Variants in GLRA2 observed in about 807,000 individuals in gnomAD.
GLRA2 encodes the protein glycine receptor alpha 2.
In GLRA2, 11 loss-of-function variants were observed where a neutral mutation model predicts 31.6. That is an observed-to-expected ratio of 0.35 (90% CI 0.22 to 0.58). GLRA2 has a LOEUF of 0.58. Ranked by LOEUF, GLRA2 falls within the 20% of genes least tolerant of loss-of-function variation. The pLI, the probability that GLRA2 is intolerant of heterozygous loss-of-function variation, is 0.84. For missense variants in GLRA2, 212 were observed against 351.8 expected (o/e 0.60, Z 3.18); for synonymous variants, 132 against 134.0 (o/e 0.99, Z 0.10).
intron 4 of GLRA2, among the ~76,000 whole-genome samples, chrX:14,585,672 C>T (rs2090073479): frequency 9.0e-6 from 1 of 111,604 alleles, no homozygotes; most frequent in South Asian, 3.8e-4. Context: ...GAGAGGAAAT[C>T]CACTGGCTTA....
At chrX:14,513,575 C>A in the GLRA2 span, among the ~76,000 whole-genome samples, 5,044 of 110,923 alleles carry the variant, frequency 0.045, 125 homozygotes, top group Middle Eastern at 0.078. Context: ...CATAAAAAAA[C>A]CGAACAATCC....
intron 7 of GLRA2, among the ~76,000 whole-genome samples, chrX:14,654,862 C>T (rs2090924644): frequency 8.9e-6 from 1 of 111,738 alleles, no homozygotes; most frequent in Admixed American, 9.5e-5. Flanking sequence ...AAAGGCACAT[C>T]TCACATGGCA....
intron 4 of GLRA2, among the ~76,000 whole-genome samples, chrX:14,593,850 T>C (rs2090170922): frequency 1.8e-5 from 2 of 113,241 alleles, no homozygotes; most frequent in African/African-American, 6.4e-5. Context: ...CCAAAGCAGA[T>C]GGATACTCTC....
At chrX:14,663,959 TTC>T (rs769113118) in intron 7 of GLRA2, among the ~76,000 whole-genome samples, 158 of 111,727 alleles carry the variant, frequency 1.4e-3, no homozygotes, top group Middle Eastern at 4.6e-3. Flanking sequence ...TAGCTATATT[TTC>T]TCTCTTTCTT....
intron 7 of GLRA2, among the ~76,000 whole-genome samples, chrX:14,651,903 G>A (rs2090894144): frequency 9.0e-6 from 1 of 111,508 alleles, no homozygotes; most frequent in African/African-American, 3.3e-5. Flanking sequence ...CCCTTTGGGA[G>A]GTAATTAGGT....
At chrX:14,703,700 A>G (rs955257475) in intron 8 of GLRA2, among the ~76,000 whole-genome samples, 8 of 111,751 alleles carry the variant, frequency 7.2e-5, no homozygotes, top group Non-Finnish European at 1.3e-4. Context: ...ACAGTCCAGA[A>G]GTACCAGGAG....
chrX:14,682,803 T>C (rs2091229409), intron 7 of GLRA2, among the ~76,000 whole-genome samples: 1 of 108,344 alleles, frequency 9.2e-6, no homozygotes, highest in Admixed American at 9.9e-5. Context: ...ATGCGGTGTT[T>C]GGTTTTTTGT....
intron 7 of GLRA2, among the ~76,000 whole-genome samples, chrX:14,647,992 C>T (rs769046987): frequency 1.1e-4 from 12 of 112,517 alleles, no homozygotes; most frequent in Non-Finnish European, 1.7e-4. Context: ...GATCTTAATT[C>T]ATTAGGCTTT....
intron 8 of GLRA2, 102 bp downstream of exon 8, chrX:14,690,961 T>G (rs2091344761): frequency 1.1e-6 from 1 of 887,047 alleles, no homozygotes; most frequent in South Asian, 2.3e-5. Flanking sequence ...GAAGCCAAGG[T>G]TAATTTTTGT....
At chrX:14,454,888 G>A in the GLRA2 span, among the ~76,000 whole-genome samples, 1 of 112,165 alleles carries the variant, frequency 8.9e-6, no homozygotes, top group Non-Finnish European at 1.9e-5. Context: ...CAAAATTGAA[G>A]TTTTAAAAAT....
chrX:14,664,899 C>T (rs1176310146), intron 7 of GLRA2, among the ~76,000 whole-genome samples: 1 of 111,619 alleles, frequency 9.0e-6, no homozygotes, highest in Non-Finnish European at 1.9e-5. Context: ...ATCTTCCAAA[C>T]AAGTTCTATA....
intron 7 of GLRA2, among the ~76,000 whole-genome samples, chrX:14,669,331 G>A (rs2091066837): frequency 8.9e-6 from 1 of 111,849 alleles, no homozygotes; most frequent in Non-Finnish European, 1.9e-5. Context: ...TACAGTACAA[G>A]CTGTCAGTGG....
chrX:14,686,243 T>G (rs1432033840), intron 7 of GLRA2, among the ~76,000 whole-genome samples: 3 of 111,558 alleles, frequency 2.7e-5, no homozygotes, highest in African/African-American at 9.8e-5. Context: ...TATGTGGAAG[T>G]AATTTTGGAA....
At chrX:14,578,655 C>T (rs764336054) in intron 3 of GLRA2, among the ~76,000 whole-genome samples, 1 of 111,452 alleles carries the variant, frequency 9.0e-6, no homozygotes, top group Admixed American at 9.5e-5. Context: ...TTTCTCTTTT[C>T]TTTAGTTTCT....
chrX:14,492,967 G>T, the GLRA2 span, among the ~76,000 whole-genome samples: 1 of 111,037 alleles, frequency 9.0e-6, no homozygotes, highest in Admixed American at 9.6e-5. Context: ...TATGGTGGAA[G>T]GGCAAAAGGG....
In GLRA2 at chrX:14,532,377, G is replaced by A. The variant is rs1273329309; in HGVS notation, c.202+5G>A. ...GAATCAGGCCAAATTTTAAAGGTAG[G>A]TTCCACTTAAACTTACGTTAAGCCT... On this transcript the variant is annotated splice_donor_5th_base_variant and intron_variant, in intron 2 of 8. Coordinates refer to ENST00000218075, the MANE Select transcript of GLRA2 (RefSeq NM_002063.4). 2 of 1,151,254 alleles carry A rather than the reference G, an allele frequency of 1.7e-6. No individual in the cohort carries two copies. Among genetic ancestry groups the A allele is most frequent in the Non-Finnish European group, 2.3e-6 (2 of 854,914 alleles). 94.9% of individuals were successfully genotyped at this position (1,151,254 alleles called of 1,213,427 possible). A position where few individuals can be genotyped will look rare whatever the true frequency, so the allele number is the denominator to read the frequency against.
chrX:14,463,618 G>A, the GLRA2 span, among the ~76,000 whole-genome samples: 2 of 111,063 alleles, frequency 1.8e-5, no homozygotes, highest in Admixed American at 9.5e-5. Context: ...GTCCCAGGTC[G>A]ATCTCAGACT....
chrX:14,493,706 C>CATGTGTAT, the GLRA2 span, among the ~76,000 whole-genome samples: 1 of 90,143 alleles, frequency 1.1e-5, no homozygotes, highest in African/African-American at 4.8e-5. Flanking sequence ...TATATGTATA[C>CATGTGTAT]ACATGTATAC....
intron 7 of GLRA2, among the ~76,000 whole-genome samples, chrX:14,661,415 T>C (rs1197288070): frequency 9.0e-6 from 1 of 111,614 alleles, no homozygotes; most frequent in Non-Finnish European, 1.9e-5. Context: ...AAAGAAGAGT[T>C]GTCAATTTCT....
Sources: gnomAD v4.1 joint callset for allele counts (sites outside exome capture counted in the v4.1 genomes callset) on GRCh38, gnomAD v4.1.1 for gene constraint, MANE v1.5 for transcripts, NCBI Gene and HGNC (gene_info 2026-07-23, HGNC 2026-07-21) for gene names.